CFAP92: variants seen among roughly 807,000 people sequenced by gnomAD.
CFAP92 encodes the protein uncharacterized protein CFAP92.
CFAP92 carries 86 observed loss-of-function variants against 106.3 expected under a neutral mutation model. The ratio of observed to expected loss-of-function variants is 0.81; its 90% CI spans 0.68 to 0.97. The LOEUF (loss-of-function observed/expected upper bound fraction) is 0.97. CFAP92 is among the 50% of genes least tolerant of loss of function. The pLI is 0.00. For synonymous variants in CFAP92, 477 were observed against 506.4 expected, an observed-to-expected ratio of 0.94 and a Z score of 0.78; for missense variants, 1,204 against 1,283.8, an observed-to-expected ratio of 0.94 and a Z score of 0.95.
the CFAP92 span, among the ~76,000 whole-genome samples, chr3:129,012,110 A>G: frequency 6.6e-6 from 1 of 152,262 alleles, no homozygotes; most frequent in Non-Finnish European, 1.5e-5. Flanking sequence ...ACCCTTGGCC[A>G]TGACCTGCCT....
At chr3:128,950,638 AG>A (rs946212512) in intron 9 of CFAP92, among the ~76,000 whole-genome samples, 1 of 152,188 alleles carries the variant, frequency 6.6e-6, no homozygotes, top group Admixed American at 6.5e-5. Flanking sequence ...CAAACAACAA[AG>A]GGGGCAGGCA....
chr3:129,001,606 G>A (rs1944752110), intron 1 of CFAP92: 1 of 1,355,928 alleles, frequency 7.4e-7, no homozygotes, highest in Non-Finnish European at 9.4e-7. Context: ...AGGGACCGGA[G>A]GAGCGAGGCG....
intron 2 of CFAP92, among the ~76,000 whole-genome samples, chr3:128,990,600 A>C (rs1944151820): frequency 6.6e-6 from 1 of 152,246 alleles, no homozygotes; most frequent in African/African-American, 2.4e-5. Context: ...TTTCTCTGAA[A>C]TAAACAATTT....
chr3:128,999,419 AG>A (rs1944603359), intron 1 of CFAP92, among the ~76,000 whole-genome samples: 1 of 150,968 alleles, frequency 6.6e-6, no homozygotes, highest in Admixed American at 6.6e-5. Flanking sequence ...GGCCCAGGAA[AG>A]CTACTGTTCA....
Position 129,002,066 on chromosome 3 carries a change from C to G in CFAP92, n.117+508G>C, listed in dbSNP as rs923391278. 2.6e-6 allele frequency: 4 copies of G among 1,537,636 alleles called. No homozygotes were observed. The African/African-American group carries it at 5.6e-5, about 22-fold the overall frequency. The stretch of plus-strand genomic sequence containing the variant: ...CGGAGCTCACCTTCCGCCAGTTCCA[C>G]GCGCGCCTCTGTGGCTACTTCGGCA... On this transcript the variant is annotated intron_variant and non_coding_transcript_variant, in intron 1 of 4. Transcript: ENST00000510149.
Position 128,945,384 on chromosome 3 carries a change from C to T in CFAP92, c.1945G>A (p.Ala649Thr). The change falls in exon 10 of 16, where the codon GCT becomes ACT. Residue 649 changes from alanine (A) to threonine (T), a missense_variant. Ala to Thr is a moderately conservative substitution (Grantham distance 58, BLOSUM62 0). Coordinates refer to ENST00000645291, the MANE Select transcript of CFAP92 (RefSeq NM_001394090.1). The stretch of plus-strand genomic sequence containing the variant: ...TGGGAGCCCCCAAGGTCAGGATCAG[C>T]AGCTCTGGCCCCGGCCCTCAGTGGC... ...AVPLRAGARA[A>T]DPDLGGSQFG... The T allele has an allele frequency of 1.3e-6, 2 of 1,536,150 alleles. No individual in the cohort carries two copies. Among genetic ancestry groups the T allele is most frequent in the Non-Finnish European group, 1.7e-6 (2 of 1,146,900 alleles).
chr3:128,926,866 CG>C lies in CFAP92; in HGVS notation c.2751+5833del, dbSNP rs200824370. Among the ~76,000 whole-genome samples, 837 of 152,146 alleles carry C rather than the reference CG, an allele frequency of 5.5e-3. 8 individuals are homozygous for C. The highest frequency in any genetic ancestry group is 5.9e-3 in the Non-Finnish European group (398 of 68,004). ...ATCCCAGCACTTTGGTAGGCTGAGG[CG>C]GGCAGATCACAAGGTCAGGAGATTG... is the stretch of plus-strand genomic sequence containing the variant. On this transcript the variant is annotated intron_variant, in intron 12 of 15. Transcript: ENST00000645291.
chr3:128,942,916 CTTTTTTTTTTTT>C (rs36073693), intron 10 of CFAP92, among the ~76,000 whole-genome samples: 2 of 84,976 alleles, frequency 2.4e-5, no homozygotes, highest in African/African-American at 1.2e-4. Context: ...AAAACTCAAC[CTTTTTTTTTTTT>C]TTTTTTTTTT....
the CFAP92 span, among the ~76,000 whole-genome samples, chr3:129,020,540 G>A: frequency 1.3e-5 from 2 of 152,192 alleles, no homozygotes; most frequent in South Asian, 2.1e-4. Flanking sequence ...AGGAGGCTGA[G>A]GTGGGAGGAT....
intron 9 of CFAP92, among the ~76,000 whole-genome samples, chr3:128,947,400 A>G (rs1940333764): frequency 6.6e-6 from 1 of 152,226 alleles, no homozygotes; most frequent in South Asian, 2.1e-4. Context: ...TGATAAACTG[A>G]TTCTAAAATT....
chr3:129,019,027 C>A, the CFAP92 span, among the ~76,000 whole-genome samples: 2 of 152,216 alleles, frequency 1.3e-5, no homozygotes, highest in Non-Finnish European at 2.9e-5. Flanking sequence ...CTCCCCCACA[C>A]CACCGTGCAG....
intron 9 of CFAP92, among the ~76,000 whole-genome samples, chr3:128,959,788 G>C (rs1028174500): frequency 6.6e-6 from 1 of 152,186 alleles, no homozygotes; most frequent in Admixed American, 6.5e-5. Flanking sequence ...CTCACTGTGG[G>C]ATCCTAAATG....
In CFAP92 at chr3:128,945,513, C is replaced by T. The variant is rs1455976981; in HGVS notation, c.1816G>A (p.Val606Met). 7 of 1,536,168 alleles carry T rather than the reference C, an allele frequency of 4.6e-6. No homozygotes were observed. Among genetic ancestry groups the T allele is most frequent in the Non-Finnish European group, 6.1e-6 (7 of 1,146,918 alleles). ...CCATCTCTGGGGACCCCAAGCCCCA[C>T]AACCTTCCTTCTCCTGCTGTCCTGG... ...CGQDSRRRKV[V>M]GLGVPRDGHQ... Residue 606 changes from valine (V) to methionine (M), a missense_variant, in exon 10 of 16, where the codon GTG becomes ATG. By Grantham distance (21) the Val-to-Met change is conservative (BLOSUM62 1). Coordinates refer to ENST00000645291, the MANE Select transcript of CFAP92 (RefSeq NM_001394090.1).
intron 9 of CFAP92, among the ~76,000 whole-genome samples, chr3:128,956,796 A>G (rs1210854191): frequency 6.6e-6 from 1 of 152,032 alleles, no homozygotes. Flanking sequence ...CCTGGCTAAC[A>G]TGGTGAAATT....
At chr3:129,003,863 G>C (rs533366757), upstream of CFAP92, 4 of 1,440,278 alleles carry the variant, frequency 2.8e-6, no homozygotes, top group African/African-American at 1.5e-5. Context: ...TGCGGTGCGG[G>C]AGCTGCGTCA....
chr3:128,933,243 T>C (rs1219440084), intron 11 of CFAP92, among the ~76,000 whole-genome samples: 1 of 152,058 alleles, frequency 6.6e-6, no homozygotes, highest in Non-Finnish European at 1.5e-5. Flanking sequence ...TGAGTGCTGC[T>C]CTGTTCCTGT....
chr3:128,935,017 G>T, intron 11 of CFAP92, 108 bp downstream of exon 11: 9 of 806,806 alleles, frequency 1.1e-5, no homozygotes, highest in African/African-American at 1.7e-5. Context: ...ATCTGTTGGG[G>T]CCACTATCTA....
chr3:129,020,529 G>A, the CFAP92 span, among the ~76,000 whole-genome samples: 1 of 152,146 alleles, frequency 6.6e-6, no homozygotes, highest in South Asian at 2.1e-4. Context: ...CCCAGCTACT[G>A]AGGAGGCTGA....
rs961600407 is a variant in CFAP92, at chr3:128,991,709, G to T, written c.262+1334C>A. ...GCCGGCCTGCACCAAGGCGTTCATTGAAACAGCATGTTGCTCCACACCGCC... is the reference window on the plus strand; with the variant it reads ...GCCGGCCTGCACCAAGGCGTTCATTTAAACAGCATGTTGCTCCACACCGCC... On this transcript the variant is annotated intron_variant, in intron 2 of 15. Coordinates refer to ENST00000645291, the MANE Select transcript of CFAP92 (RefSeq NM_001394090.1). The T allele has an allele frequency of 5.1e-6, 5 of 984,320 alleles. No individual in the cohort carries two copies. The African/African-American group carries it at 8.9e-5, about 17-fold the overall frequency. The allele number at this position is 984,320 out of a possible 1,614,324, so 61.0% of individuals were successfully genotyped here.
Sources: allele counts gnomAD v4.1 joint callset (sites outside exome capture counted in the v4.1 genomes callset), GRCh38; gene constraint gnomAD v4.1.1; transcripts MANE v1.5; gene names NCBI Gene and HGNC (gene_info 2026-07-23, HGNC 2026-07-21).